Variants in NEGR1 observed in about 807,000 individuals in gnomAD.
NEGR1 encodes the protein IgLON family member 4.
In NEGR1, 10 loss-of-function variants were observed where a neutral mutation model predicts 40.9. The ratio of observed to expected loss-of-function variants is 0.24; its 90% CI spans 0.15 to 0.42. The LOEUF (loss-of-function observed/expected upper bound fraction) is 0.42, where lower values mean the gene tolerates loss of function less well. Among genes scored for constraint, NEGR1 ranks in the 10% least tolerant of loss-of-function variants. NEGR1 has a pLI of 1.00. For missense variants in NEGR1, 352 were observed against 438.9 expected (o/e 0.80, Z 1.77); for synonymous variants, 185 against 166.8 (o/e 1.11, Z -0.84).
chr1:72,125,452 C>G (rs2630407), intron 1 of NEGR1, among the ~76,000 whole-genome samples: 36,856 of 145,350 alleles, frequency 0.25, 4,801 homozygotes, highest in East Asian at 0.34. Flanking sequence ...CAATAGAAAA[C>G]GTGGCCAAAT....
At chr1:71,982,875 A>G (rs1002011173) in intron 1 of NEGR1, among the ~76,000 whole-genome samples, 2 of 152,150 alleles carry the variant, frequency 1.3e-5, no homozygotes, top group East Asian at 1.9e-4. Context: ...ACATGCAAAA[A>G]GAAGAAAATG....
intron 2 of NEGR1, among the ~76,000 whole-genome samples, chr1:71,933,616 G>T (rs780153495): frequency 6.6e-6 from 1 of 151,888 alleles, no homozygotes; most frequent in Non-Finnish European, 1.5e-5. Context: ...ATCTCATGTC[G>T]GTTTCTGAAG....
intron 4 of NEGR1, among the ~76,000 whole-genome samples, chr1:71,671,896 T>C (rs141580356): frequency 0.22 from 25,908 of 119,984 alleles, 2,023 homozygotes; most frequent in Middle Eastern, 0.32. Flanking sequence ...TCTCTCTCTT[T>C]TTTTTTTTTT....
At chr1:71,443,661 AG>A (rs2101316841) in intron 6 of NEGR1, among the ~76,000 whole-genome samples, 1 of 152,322 alleles carries the variant, frequency 6.6e-6, no homozygotes, top group African/African-American at 2.4e-5. Context: ...GTCCTCCTAA[AG>A]CTCATATTCT....
At chr1:71,753,743 G>C (rs571423073) in intron 3 of NEGR1, among the ~76,000 whole-genome samples, 1 of 152,186 alleles carries the variant, frequency 6.6e-6, no homozygotes, top group South Asian at 2.1e-4. Flanking sequence ...TTTCTAATTT[G>C]TAATTTGTAA....
intron 1 of NEGR1, among the ~76,000 whole-genome samples, chr1:72,048,406 C>T (rs1367987738): frequency 8.2e-6 from 1 of 122,302 alleles, no homozygotes; most frequent in African/African-American, 3.4e-5. Context: ...AATCGTATCC[C>T]TTCTTGCTTG....
chr1:72,120,154 C>T (rs1649741982), intron 1 of NEGR1, among the ~76,000 whole-genome samples: 1 of 151,730 alleles, frequency 6.6e-6, no homozygotes, highest in Non-Finnish European at 1.5e-5. Context: ...GTCAGTGAAC[C>T]TTTGGGAAAT....
At chr1:72,013,158 C>T (rs1010486662) in intron 1 of NEGR1, among the ~76,000 whole-genome samples, 1 of 151,756 alleles carries the variant, frequency 6.6e-6, no homozygotes, top group Non-Finnish European at 1.5e-5. Context: ...GAATGGACCC[C>T]AGAGACAAAA....
At chr1:71,580,242 G>T (rs888733867) in intron 6 of NEGR1, among the ~76,000 whole-genome samples, 3 of 150,546 alleles carry the variant, frequency 2.0e-5, no homozygotes, top group East Asian at 2.0e-4. Context: ...TCACTCATAG[G>T]TGGGAATTGA....
At chr1:72,189,949 C>T (rs1328088625) in intron 1 of NEGR1, among the ~76,000 whole-genome samples, 1 of 151,498 alleles carries the variant, frequency 6.6e-6, no homozygotes, top group Non-Finnish European at 1.5e-5. Context: ...CGTGAATATC[C>T]TTTCATTTCT....
intron 2 of NEGR1, among the ~76,000 whole-genome samples, chr1:71,909,550 C>T (rs1570490174): frequency 6.6e-6 from 1 of 152,118 alleles, no homozygotes; most frequent in Non-Finnish European, 1.5e-5. Context: ...CAGTGGCTGG[C>T]ACTAGTGAGT....
At chr1:71,743,370 A>T (rs1218387828) in intron 3 of NEGR1, among the ~76,000 whole-genome samples, 2 of 151,632 alleles carry the variant, frequency 1.3e-5, no homozygotes, top group South Asian at 2.1e-4. Context: ...TTTCAGGAAG[A>T]TTTTTATTTG....
chr1:72,121,842 C>T (rs1227323281), intron 1 of NEGR1, among the ~76,000 whole-genome samples: 1 of 151,940 alleles, frequency 6.6e-6, no homozygotes, highest in Admixed American at 6.6e-5. Context: ...TGTGTTAGCA[C>T]CTCCATTACT....
chr1:71,684,003 G>C (rs1652930348), intron 4 of NEGR1, among the ~76,000 whole-genome samples: 1 of 152,114 alleles, frequency 6.6e-6, no homozygotes, highest in African/African-American at 2.4e-5. Flanking sequence ...GAGTGCAGTG[G>C]CTCACGCCTG....
At chr1:71,461,885 C>A (rs890258380) in intron 6 of NEGR1, 2 of 152,146 alleles carry the variant, frequency 1.3e-5, no homozygotes, top group African/African-American at 4.8e-5. Flanking sequence ...CTTATGTAAT[C>A]TTCACAGGCC....
intron 2 of NEGR1, among the ~76,000 whole-genome samples, chr1:71,898,495 G>T (rs1021966969): frequency 4.6e-5 from 7 of 152,072 alleles, no homozygotes; most frequent in African/African-American, 1.7e-4. Flanking sequence ...GATGCCTGTA[G>T]TCCCAGCTAC....
At chr1:72,210,356 G>A (rs181857902) in intron 1 of NEGR1, among the ~76,000 whole-genome samples, 2 of 151,914 alleles carry the variant, frequency 1.3e-5, no homozygotes, top group South Asian at 4.1e-4. Flanking sequence ...TCTAGGTGTT[G>A]AAATAAAACA....
chr1:72,189,910 G>GT (rs1652757270), intron 1 of NEGR1, among the ~76,000 whole-genome samples: 1 of 151,550 alleles, frequency 6.6e-6, no homozygotes, highest in African/African-American at 2.4e-5. Flanking sequence ...ACTGGACCTT[G>GT]ATCATTAGTG....
At chr1:71,878,323 C>T (rs1435867310) in intron 2 of NEGR1, among the ~76,000 whole-genome samples, 1 of 152,092 alleles carries the variant, frequency 6.6e-6, no homozygotes, top group Non-Finnish European at 1.5e-5. Flanking sequence ...GATTCTTACA[C>T]TTTGGCATTA....
Sources: allele counts gnomAD v4.1 joint callset (sites outside exome capture counted in the v4.1 genomes callset), GRCh38; gene constraint gnomAD v4.1.1; transcripts MANE v1.5; gene names NCBI Gene and HGNC (gene_info 2026-07-23, HGNC 2026-07-21).